The following CDH18 variants were observed in gnomAD, a reference collection of about 807,000 sequenced individuals.
The protein encoded by CDH18 is cadherin 18.
Under a neutral mutation model 67.9 loss-of-function variants are expected in CDH18, and 31 were observed. The observed-to-expected ratio is 0.46, with a 90% CI of 0.34 to 0.62. CDH18 has a LOEUF of 0.62. CDH18 is among the 20% of genes least tolerant of loss of function. The pLI is 0.01. For missense variants in CDH18, 890 were observed against 975.5 expected (o/e 0.91, Z 1.17); for synonymous variants, 362 against 347.2 (o/e 1.04, Z -0.48).
At chr5:19,881,505 G>GTT (rs1561498877) in intron 2 of CDH18, among the ~76,000 whole-genome samples, 1 of 138,670 alleles carries the variant, frequency 7.2e-6, no homozygotes, top group African/African-American at 2.7e-5. Flanking sequence ...CTCTTCAAGT[G>GTT]CTTTTTTTTT....
intron 5 of CDH18, among the ~76,000 whole-genome samples, chr5:19,648,320 C>A (rs1443010485): frequency 6.6e-6 from 1 of 152,092 alleles, no homozygotes; most frequent in African/African-American, 2.4e-5. Flanking sequence ...GAGGCTGAGG[C>A]AGGAGAATCA....
chr5:19,699,630 G>GTGTC (rs1554007599), intron 5 of CDH18, among the ~76,000 whole-genome samples: 2 of 127,634 alleles, frequency 1.6e-5, no homozygotes, highest in East Asian at 5.4e-4. Flanking sequence ...GTGTGTGTGT[G>GTGTC]TGTGTGTGTG....
At chr5:20,412,847 G>A (rs1159486861) in intron 1 of CDH18, among the ~76,000 whole-genome samples, 1 of 152,060 alleles carries the variant, frequency 6.6e-6, no homozygotes, top group African/African-American at 2.4e-5. Flanking sequence ...AAGTTCTAGG[G>A]TACATGTGCA....
intron 2 of CDH18, among the ~76,000 whole-genome samples, chr5:19,918,582 T>C (rs538965225): frequency 1.3e-5 from 2 of 152,290 alleles, no homozygotes; most frequent in African/African-American, 2.4e-5. Flanking sequence ...GGTACATTCA[T>C]AGTGGCACTA....
chr5:19,962,151 G>A (rs2150307880), intron 2 of CDH18, among the ~76,000 whole-genome samples: 1 of 151,576 alleles, frequency 6.6e-6, no homozygotes, highest in South Asian at 2.1e-4. Context: ...AACCTTGAGT[G>A]GGAAGTCTTC....
At chr5:19,899,524 G>A (rs896000048) in intron 2 of CDH18, among the ~76,000 whole-genome samples, 2 of 152,106 alleles carry the variant, frequency 1.3e-5, no homozygotes, top group Non-Finnish European at 2.9e-5. Flanking sequence ...AAATGATGTA[G>A]CTTGCTTATG....
At chr5:19,940,981 G>A (rs1351497748) in intron 2 of CDH18, among the ~76,000 whole-genome samples, 1 of 152,088 alleles carries the variant, frequency 6.6e-6, no homozygotes, top group African/African-American at 2.4e-5. Flanking sequence ...TCCTAAAGGG[G>A]GAGGGTGAAA....
intron 2 of CDH18, among the ~76,000 whole-genome samples, chr5:20,162,326 T>G (rs949764963): frequency 1.3e-4 from 19 of 151,324 alleles, no homozygotes; most frequent in African/African-American, 4.4e-4. Flanking sequence ...ACGAAGTACT[T>G]TTAGTACTTT....
intron 2 of CDH18, among the ~76,000 whole-genome samples, chr5:19,945,799 C>A (rs1478801283): frequency 6.6e-6 from 1 of 151,678 alleles, no homozygotes; most frequent in Admixed American, 6.6e-5. Flanking sequence ...TAGAACCAGT[C>A]AAAAAAATTT....
At chr5:19,686,880 T>C (rs973009271) in intron 5 of CDH18, among the ~76,000 whole-genome samples, 12 of 152,058 alleles carry the variant, frequency 7.9e-5, no homozygotes, top group Non-Finnish European at 1.2e-4. Context: ...GGAAACTGTG[T>C]TGGAATTTAA....
intron 1 of CDH18, among the ~76,000 whole-genome samples, chr5:20,466,705 C>A (rs573508820): frequency 3.3e-5 from 5 of 152,008 alleles, no homozygotes; most frequent in Non-Finnish European, 5.9e-5. Context: ...AGACTCTAAT[C>A]TTAATATAAT....
intron 3 of CDH18, among the ~76,000 whole-genome samples, chr5:19,838,489 G>A (rs1781919550): frequency 6.6e-6 from 1 of 152,090 alleles, no homozygotes; most frequent in Non-Finnish European, 1.5e-5. Context: ...ACTTACAAGA[G>A]AGAACAGAAA....
chr5:20,501,911 C>T (rs1754358740), intron 1 of CDH18, among the ~76,000 whole-genome samples: 1 of 151,572 alleles, frequency 6.6e-6, no homozygotes, highest in Non-Finnish European at 1.5e-5. Flanking sequence ...CACACACACA[C>T]ACACACATTT....
At chr5:19,547,534 T>C (rs1442842532) in intron 8 of CDH18, among the ~76,000 whole-genome samples, 6 of 152,216 alleles carry the variant, frequency 3.9e-5, no homozygotes, top group Admixed American at 3.9e-4. Context: ...TTTCTGAAAA[T>C]ATGTAGTCTT....
chr5:20,519,781 T>C (rs1226612792), intron 1 of CDH18, among the ~76,000 whole-genome samples: 1 of 151,824 alleles, frequency 6.6e-6, no homozygotes, highest in Non-Finnish European at 1.5e-5. Flanking sequence ...ATGATGCATT[T>C]GCTCTTTTCT....
At chr5:20,571,313 A>G (rs1183683590) in intron 1 of CDH18, among the ~76,000 whole-genome samples, 1 of 152,078 alleles carries the variant, frequency 6.6e-6, no homozygotes, top group African/African-American at 2.4e-5. Flanking sequence ...TATTTGTCTT[A>G]TTTTCAATTT....
chr5:20,350,096 A>G (rs556215527), intron 1 of CDH18, among the ~76,000 whole-genome samples: 1 of 152,130 alleles, frequency 6.6e-6, no homozygotes, highest in Non-Finnish European at 1.5e-5. Flanking sequence ...GGCTTTCAAA[A>G]GGCAATACAT....
intron 1 of CDH18, among the ~76,000 whole-genome samples, chr5:20,364,515 A>T (rs975176703): frequency 5.9e-5 from 9 of 152,150 alleles, no homozygotes; most frequent in African/African-American, 1.7e-4. Flanking sequence ...CAGAGTTGAG[A>T]GTCTAGGTTT....
intron 5 of CDH18, among the ~76,000 whole-genome samples, chr5:19,629,835 T>A (rs777121728): frequency 5.9e-5 from 9 of 152,148 alleles, no homozygotes; most frequent in Non-Finnish European, 1.2e-4. Flanking sequence ...ATCATTTACA[T>A]ATAATTAGAA....
Sources: allele counts gnomAD v4.1 joint callset (sites outside exome capture counted in the v4.1 genomes callset), GRCh38; gene constraint gnomAD v4.1.1; transcripts MANE v1.5; gene names NCBI Gene and HGNC (gene_info 2026-07-23, HGNC 2026-07-21).